SEMA3A: variants seen among roughly 807,000 people sequenced by gnomAD.
SEMA3A encodes semaphorin 3A, also known as semaphorin-3A.
In SEMA3A, 29 loss-of-function variants were observed where a neutral mutation model predicts 97.9. That is an observed-to-expected ratio of 0.30 (90% confidence interval 0.22 to 0.40). The LOEUF (loss-of-function observed/expected upper bound fraction) is 0.40, where lower values mean the gene tolerates loss of function less well. Ranked by LOEUF, SEMA3A falls within the 10% of genes least tolerant of loss-of-function variation. SEMA3A has a pLI of 1.00. For missense variants in SEMA3A, 763 were observed against 951.3 expected (o/e 0.80, Z 2.60); for synonymous variants, 321 against 323.7 (o/e 0.99, Z 0.09).
At chr7:84,177,690 A>C (rs1189055235) in intron 1 of SEMA3A, among the ~76,000 whole-genome samples, 1 of 152,098 alleles carries the variant, frequency 6.6e-6, no homozygotes, top group East Asian at 1.9e-4. Flanking sequence ...TCCTCTCTAA[A>C]ATGAATGAGA....
intron 3 of SEMA3A, among the ~76,000 whole-genome samples, chr7:84,266,329 A>T (rs1020150299): frequency 6.6e-6 from 1 of 151,480 alleles, no homozygotes; most frequent in Admixed American, 6.6e-5. Flanking sequence ...AAAAAAAAAA[A>T]AAAAAAAAGA....
At chr7:84,059,367 A>G (rs1261224848) in intron 5 of SEMA3A, among the ~76,000 whole-genome samples, 4 of 152,140 alleles carry the variant, frequency 2.6e-5, no homozygotes, top group Non-Finnish European at 1.5e-5. Flanking sequence ...TAGAATAAGG[A>G]TCAGTGAAAC....
chr7:84,305,458 T>G (rs1801131012), intron 3 of SEMA3A, among the ~76,000 whole-genome samples: 1 of 151,692 alleles, frequency 6.6e-6, no homozygotes, highest in Admixed American at 6.6e-5. Flanking sequence ...TTGCTAAATA[T>G]TTTGAGTTTT....
intron 12 of SEMA3A, among the ~76,000 whole-genome samples, chr7:83,987,537 CGT>C (rs1402167197): frequency 9.9e-5 from 15 of 152,132 alleles, no homozygotes; most frequent in Non-Finnish European, 2.1e-4. Context: ...AGGCATCTCA[CGT>C]GTCTTTCCAA....
intron 1 of SEMA3A, among the ~76,000 whole-genome samples, chr7:84,422,057 T>C (rs973523285): frequency 6.6e-6 from 1 of 152,104 alleles, no homozygotes; most frequent in African/African-American, 2.4e-5. Flanking sequence ...GGAATCTTTC[T>C]TTTTTATTGA....
intron 2 of SEMA3A, among the ~76,000 whole-genome samples, chr7:84,358,685 T>C (rs1369014624): frequency 6.6e-6 from 1 of 152,156 alleles, no homozygotes; most frequent in Non-Finnish European, 1.5e-5. Context: ...AAGTCATTTG[T>C]AGCTTGATGG....
intron 4 of SEMA3A, among the ~76,000 whole-genome samples, chr7:84,086,737 T>A (rs1199801282): frequency 6.7e-6 from 1 of 149,826 alleles, no homozygotes; most frequent in Non-Finnish European, 1.5e-5. Flanking sequence ...TATGTGTGTA[T>A]ATATATATTT....
intron 12 of SEMA3A, among the ~76,000 whole-genome samples, chr7:83,989,449 C>G (rs180743122): frequency 0.11 from 13,184 of 114,994 alleles, 959 homozygotes; most frequent in African/African-American, 0.21. Flanking sequence ...GTATATCTCC[C>G]AATGCTATCC....
chr7:84,305,831 A>G (rs562206982), intron 3 of SEMA3A, among the ~76,000 whole-genome samples: 7 of 151,952 alleles, frequency 4.6e-5, no homozygotes, highest in Non-Finnish European at 7.4e-5. Flanking sequence ...TGATGCACTC[A>G]TGAAAAATAA....
At chr7:84,365,404 C>T (rs1802822531) in intron 2 of SEMA3A, among the ~76,000 whole-genome samples, 2 of 151,574 alleles carry the variant, frequency 1.3e-5, no homozygotes, top group African/African-American at 4.8e-5. Context: ...CCACTCTATA[C>T]TTGAAATAGA....
At chr7:84,313,374 AT>A (rs1801406761) in intron 2 of SEMA3A, among the ~76,000 whole-genome samples, 1 of 65,926 alleles carries the variant, frequency 1.5e-5, no homozygotes, top group Admixed American at 1.8e-4. Context: ...ATATATATAT[AT>A]ATATATATAT....
chr7:84,410,237 T>A (rs768421981), intron 1 of SEMA3A, among the ~76,000 whole-genome samples: 1 of 152,152 alleles, frequency 6.6e-6, no homozygotes, highest in Non-Finnish European at 1.5e-5. Flanking sequence ...ATAATTTACA[T>A]GTATTTTATA....
chr7:84,286,735 C>G (rs993634369), intron 3 of SEMA3A, among the ~76,000 whole-genome samples: 1 of 152,118 alleles, frequency 6.6e-6, no homozygotes, highest in Non-Finnish European at 1.5e-5. Flanking sequence ...TCCATCCACA[C>G]CCTAACTCAG....
chr7:84,076,018 A>G (rs1793933783), intron 4 of SEMA3A, among the ~76,000 whole-genome samples: 1 of 152,180 alleles, frequency 6.6e-6, no homozygotes, highest in African/African-American at 2.4e-5. Flanking sequence ...ATTCTTATCT[A>G]TGTAATGGAA....
At chr7:84,251,924 C>A (rs1799619168) in intron 3 of SEMA3A, among the ~76,000 whole-genome samples, 2 of 151,924 alleles carry the variant, frequency 1.3e-5, no homozygotes, top group African/African-American at 4.8e-5. Flanking sequence ...AAAACAATTG[C>A]GGAGAACATA....
At chr7:84,107,548 G>C (rs1046695708) in intron 4 of SEMA3A, among the ~76,000 whole-genome samples, 4 of 152,150 alleles carry the variant, frequency 2.6e-5, no homozygotes, top group African/African-American at 9.7e-5. Flanking sequence ...GTGAGTTTCA[G>C]AGTCTCAGGA....
At chr7:84,491,355 A>G (rs1806725493) in intron 1 of SEMA3A, among the ~76,000 whole-genome samples, 1 of 152,130 alleles carries the variant, frequency 6.6e-6, no homozygotes, top group South Asian at 2.1e-4. Flanking sequence ...AAAAAGATCA[A>G]CTCAAATGAC....
intron 2 of SEMA3A, among the ~76,000 whole-genome samples, chr7:84,309,506 C>G (rs963371601): frequency 6.6e-6 from 1 of 152,190 alleles, no homozygotes; most frequent in South Asian, 2.1e-4. Flanking sequence ...GATGATGGAC[C>G]TCTCTGACCC....
intron 1 of SEMA3A, among the ~76,000 whole-genome samples, chr7:84,448,035 C>T (rs1805467314): frequency 6.6e-6 from 1 of 152,200 alleles, no homozygotes; most frequent in Admixed American, 6.5e-5. Flanking sequence ...GCCCGGTGTG[C>T]CTGGCTGTGG....
Sources: gnomAD v4.1 joint callset for allele counts (sites outside exome capture counted in the v4.1 genomes callset) on GRCh38, gnomAD v4.1.1 for gene constraint, MANE v1.5 for transcripts, NCBI Gene and HGNC (gene_info 2026-07-23, HGNC 2026-07-21) for gene names.